The following SIN3B variants were observed in gnomAD, a reference collection of about 807,000 sequenced individuals.
SIN3B encodes the protein paired amphipathic helix protein Sin3b.
In SIN3B, 19 loss-of-function variants were observed where a neutral mutation model predicts 120.2. The observed-to-expected ratio is 0.16, with a 90% CI of 0.11 to 0.23. The LOEUF (loss-of-function observed/expected upper bound fraction) is 0.23. Ranked by LOEUF, SIN3B falls within the 10% of genes least tolerant of loss-of-function variation. The pLI, the probability that SIN3B is intolerant of heterozygous loss-of-function variation, is 1.00. For synonymous variants in SIN3B, 654 were observed against 653.2 expected (o/e 1.00, Z -0.02); for missense variants, 1,073 against 1,573.0 (o/e 0.68, Z 5.38).
chr19:16,834,018 C>T (rs1971313649), intron 3 of SIN3B, among the ~76,000 whole-genome samples: 1 of 152,120 alleles, frequency 6.6e-6, no homozygotes, highest in African/African-American at 2.4e-5. Context: ...AGCCACCGCA[C>T]CCAGCTGAAT....
intron 8 of SIN3B, chr19:16,855,369 T>TCCC (rs1491247135): frequency 5.0e-4 from 16 of 31,740 alleles, no homozygotes; most frequent in Non-Finnish European, 8.4e-4. Context: ...GGGAGAAACC[T>TCCC]TCCCCCCCCC....
chr19:16,877,345 G>A (rs960127580), intron 16 of SIN3B, 200 bp from the exon 17 acceptor site: 12 of 568,704 alleles, frequency 2.1e-5, no homozygotes, highest in South Asian at 4.2e-5. Flanking sequence ...TGTGAGTCCC[G>A]CTGTCACTGG....
rs113458902 is a variant in SIN3B at position 16,871,479 on chromosome 19, G to A, written c.2592+81G>A. The A allele has an allele frequency of 7.9e-4, 1,091 of 1,375,684 alleles. 5 individuals carry two copies. In the African/African-American group the frequency reaches 0.014, roughly 17 times the overall value. The allele number at this position is 1,375,684 out of a possible 1,614,324, so 85.2% of individuals were successfully genotyped here. A position where few individuals can be genotyped will look rare whatever the true frequency, so the allele number is the denominator to read the frequency against. On this transcript the variant is annotated intron_variant, in intron 14 of 18. Transcript: ENST00000248054. Reference sequence around the variant, plus strand: ...CATTTCACTCCCCGCTCGGGAGGGGGCCCGTGGTCAGCACAGCAAACCTAT... The same window carrying A: ...CATTTCACTCCCCGCTCGGGAGGGGACCCGTGGTCAGCACAGCAAACCTAT...
At position 16,862,580 on chromosome 19, in the gene SIN3B, A is replaced by G. The variant is rs1971704180; in HGVS notation, c.1266+21A>G. On this transcript the variant is annotated intron_variant, in intron 9 of 18. Transcript: ENST00000248054. This position sits in a 1 kb window ranked among gnomAD's most constrained non-coding sequence, Gnocchi z 4.7. The stretch of plus-strand genomic sequence containing the variant: ...AGGAGGTAGCGCTCCCTGGGGCTCA[A>G]ATGTTCGTTGACATGGTGCATCCCC... 1.2e-6 allele frequency: 2 copies of G among 1,602,208 alleles called. No homozygotes were observed. The highest frequency in any genetic ancestry group is 1.7e-6 in the Non-Finnish European group (2 of 1,173,804).
At chr19:16,852,494 G>T (rs781630083) in intron 6 of SIN3B, among the ~76,000 whole-genome samples, 1 of 152,126 alleles carries the variant, frequency 6.6e-6, no homozygotes, top group African/African-American at 2.4e-5. Context: ...CAATCCTCCC[G>T]CCTCAGCCTC....
intron 12 of SIN3B, among the ~76,000 whole-genome samples, chr19:16,868,339 G>A (rs1220065814): frequency 6.6e-6 from 1 of 152,136 alleles, no homozygotes; most frequent in Non-Finnish European, 1.5e-5. Context: ...AGGCTGCTAG[G>A]AGACCCGGTC....
In SIN3B at chr19:16,870,129, C is replaced by T. The variant is rs534998294; in HGVS notation, c.2422+54C>T. The T allele has an allele frequency of 2.0e-6, 3 of 1,467,054 alleles. No individual in the cohort carries two copies. The African/African-American group carries it at 4.2e-5, about 21-fold the overall frequency. 90.9% of individuals were successfully genotyped at this position (1,467,054 alleles called of 1,614,324 possible). On this transcript the variant is annotated intron_variant, in intron 13 of 18. Transcript: ENST00000248054. Reference sequence around the variant, plus strand: ...CCGGGGGGTGCCTGGGGTTAGGGGTCACAGCTCATGATCTGACATGTCCTG... The same window carrying T: ...CCGGGGGGTGCCTGGGGTTAGGGGTTACAGCTCATGATCTGACATGTCCTG...
chr19:16,871,621 GTTCCAGAACATTTCATCT>G (rs2051513060), intron 14 of SIN3B: 2 of 501,846 alleles, frequency 4.0e-6, no homozygotes, highest in African/African-American at 2.0e-5. Context: ...CCTCTGTCTA[GTTCCAGAACATTTCATCT>G]TTCCAAAAGG....
At chr19:16,843,444 G>A (rs974534121) in intron 4 of SIN3B, among the ~76,000 whole-genome samples, 9 of 152,354 alleles carry the variant, frequency 5.9e-5, no homozygotes, top group African/African-American at 2.2e-4. Flanking sequence ...TCTGTGAGAG[G>A]CTGGTACAGC....
At position 16,876,034 on chromosome 19, in the gene SIN3B, C is replaced by G; in HGVS notation, c.2593-21C>G. On this transcript the variant is annotated intron_variant, in intron 14 of 18. Transcript: ENST00000248054. This position sits in a 1 kb window ranked among gnomAD's most constrained non-coding sequence, Gnocchi z 7.1. ...CCCGCAGGAGGCGGGGTGGCCGCAC[C>G]ACCTGCTTTCCTCCCGCCAGCTGCA... 6.5e-7 allele frequency: 1 copy of G among 1,537,824 alleles called. No individual in the cohort carries two copies. Among genetic ancestry groups the G allele is most frequent in the Non-Finnish European group, 8.8e-7 (1 of 1,138,836 alleles).
intron 3 of SIN3B, among the ~76,000 whole-genome samples, chr19:16,832,500 CTTT>C (rs769025487): frequency 8.5e-5 from 11 of 129,512 alleles, no homozygotes; most frequent in Admixed American, 2.4e-4. Context: ...GCCCAGCCTC[CTTT>C]TTTTTTTTTT....
chr19:16,831,644 C>T lies in SIN3B; in HGVS notation c.378C>T (p.Ser126=). 6.2e-7 allele frequency: 1 copy of T among 1,613,776 alleles called. No individual in the cohort carries two copies. Among genetic ancestry groups the T allele is most frequent in the Non-Finnish European group, 8.5e-7 (1 of 1,179,788 alleles). The change falls in exon 3 of 19, where the codon AGC becomes AGT. Residue 126 remains serine, a synonymous_variant. Transcript: ENST00000248054. ...TAAACATACAGTCGCCTCTGACAAGCCAGGTATGCCACTACAGTGGTTCGG... is the reference window on the plus strand; with the variant it reads ...TAAACATACAGTCGCCTCTGACAAGTCAGGTATGCCACTACAGTGGTTCGG... ...GKLNIQSPLT[S]QENSHNHGDG...
At chr19:16,846,835 G>A (rs2144589589) in intron 4 of SIN3B, 135 bp from the exon 5 acceptor site, 1 of 940,456 alleles carries the variant, frequency 1.1e-6, no homozygotes. Flanking sequence ...CAAGTGTGCA[G>A]ACAGGACCCT....
chr19:16,870,320 A>G (rs1438888068), intron 13 of SIN3B, among the ~76,000 whole-genome samples: 1 of 151,834 alleles, frequency 6.6e-6, no homozygotes, highest in African/African-American at 2.4e-5. Flanking sequence ...TGACTGGGGA[A>G]CATTTGTTTC....
rs868434809 is a variant in SIN3B at position 16,876,744 on chromosome 19, G to A, written c.2859+166G>A. On this transcript the variant is annotated intron_variant, in intron 16 of 18. Transcript: ENST00000248054. The surrounding 1 kb of genome is among the most constrained non-coding windows in gnomAD (Gnocchi z 7.1). ...GGTGGGTGGGGTTGCCTCCCTCCCT[G>A]CTCCCCCACCAGGCTCTCTTCTGTG... Among the ~76,000 whole-genome samples, 4 of 152,114 alleles carry A rather than the reference G, an allele frequency of 2.6e-5. No individual in the cohort carries two copies. In the South Asian group the frequency reaches 8.3e-4, roughly 32 times the overall value.
Position 16,847,110 on chromosome 19 carries a change from T to A in SIN3B, c.723T>A (p.Ser241=). ...AGTTCCTGCCCGAAGCCAAGCGGTC[T>A]CTGGTGAGTGCCGAGAGCCCCTGCC... ...FGQFLPEAKR[S]LFTGNGPCEM... is the part of the protein sequence containing the mutation. The change falls in exon 5 of 19, where the codon TCT becomes TCA. Residue 241 remains serine, a synonymous_variant. Coordinates refer to ENST00000248054, the MANE Select transcript of SIN3B (RefSeq NM_001297595.2). The A allele has an allele frequency of 1.2e-6, 2 of 1,610,140 alleles. No homozygotes were observed. Among genetic ancestry groups the A allele is most frequent in the Non-Finnish European group, 1.7e-6 (2 of 1,176,828 alleles).
At position 16,831,580 on chromosome 19, in the gene SIN3B, C is replaced by A. The variant is rs1431882216; in HGVS notation, c.314C>A (p.Pro105His). 6.2e-7 allele frequency: 1 copy of A among 1,614,026 alleles called. No homozygotes were observed. Residue 105 changes from proline to histidine, a missense_variant, in exon 3 of 19, where the codon CCC becomes CAC. Pro to His is a moderately conservative substitution (Grantham distance 77). This residue lies in a region of SIN3B where 395 missense variants were observed against 528.0 expected (regional missense o/e 0.75). Transcript: ENST00000248054. The part of the protein sequence containing the change: ...DLIVGFNAFL[P>H]LGYRIDIPKN... ...ATTGTTGGATTCAACGCTTTTCTTC[C>A]CCTCGGATATAGAATAGACATTCCC...
chr19:16,875,018 T>A (rs934938911), intron 14 of SIN3B, among the ~76,000 whole-genome samples: 1 of 151,656 alleles, frequency 6.6e-6, no homozygotes, highest in Non-Finnish European at 1.5e-5. Context: ...GGTTTTGGTT[T>A]GGTCTGGTTT....
intron 3 of SIN3B, among the ~76,000 whole-genome samples, chr19:16,837,469 G>T (rs1028014414): frequency 3.9e-5 from 6 of 151,996 alleles, no homozygotes; most frequent in African/African-American, 1.4e-4. Flanking sequence ...AGAATGGATG[G>T]TAACAAGGAG....
Sources: allele counts gnomAD v4.1 joint callset (sites outside exome capture counted in the v4.1 genomes callset), GRCh38; gene constraint gnomAD v4.1.1; regional missense constraint gnomAD v4.1.1; non-coding constraint Gnocchi (gnomAD v3.1); transcripts MANE v1.5; gene names NCBI Gene and HGNC (gene_info 2026-07-23, HGNC 2026-07-21).